Variants in KPNA3 observed in about 807,000 individuals in gnomAD.
The protein encoded by KPNA3 is importin subunit alpha-4.
KPNA3 carries 13 observed loss-of-function variants against 73.8 expected under a neutral mutation model. The ratio of observed to expected loss-of-function variants is 0.18; its 90% CI spans 0.11 to 0.28. KPNA3 has a LOEUF of 0.28. KPNA3 is among the 10% of genes least tolerant of loss of function. The probability of loss-of-function intolerance (pLI) is 1.00; values close to 1 mark genes in which losing one functional copy is unlikely to be tolerated. For synonymous variants in KPNA3, 186 were observed against 206.9 expected (o/e 0.90, Z 0.87); for missense variants, 360 against 618.1 (o/e 0.58, Z 4.43).
intron 2 of KPNA3, among the ~76,000 whole-genome samples, chr13:49,735,350 G>C (rs1954512479): frequency 1.3e-5 from 2 of 152,078 alleles, no homozygotes; most frequent in Non-Finnish European, 2.9e-5. Flanking sequence ...TCGAACTCCT[G>C]ACCTCAGGTG....
intron 6 of KPNA3, among the ~76,000 whole-genome samples, chr13:49,727,594 GAGA>G (rs1273050278): frequency 2.6e-5 from 4 of 152,074 alleles, no homozygotes; most frequent in Admixed American, 1.3e-4. Flanking sequence ...TGAAGTAGCA[GAGA>G]AGAACTATGA....
chr13:49,763,334 A>C (rs1284146292), intron 1 of KPNA3, among the ~76,000 whole-genome samples: 1 of 152,234 alleles, frequency 6.6e-6, no homozygotes, highest in Non-Finnish European at 1.5e-5. Context: ...GTGAACTTTA[A>C]GACAGGTCAG....
chr13:49,772,877 G>A (rs1279515709), intron 1 of KPNA3, among the ~76,000 whole-genome samples: 1 of 152,152 alleles, frequency 6.6e-6, no homozygotes, highest in Non-Finnish European at 1.5e-5. Flanking sequence ...ATACAACAGA[G>A]AAACACATAG....
chr13:49,777,669 T>C (rs934872666), intron 1 of KPNA3, among the ~76,000 whole-genome samples: 1 of 143,680 alleles, frequency 7.0e-6, no homozygotes, highest in Non-Finnish European at 1.5e-5. Flanking sequence ...CCCAGATGAT[T>C]TTTTTTTTTT....
At chr13:49,713,860 C>T (rs1954282822) in intron 10 of KPNA3, among the ~76,000 whole-genome samples, 1 of 152,256 alleles carries the variant, frequency 6.6e-6, no homozygotes, top group African/African-American at 2.4e-5. Context: ...CGTGCCATCA[C>T]AGTCAGCTAA....
At chr13:49,704,486 A>T (rs536827437) in intron 15 of KPNA3, among the ~76,000 whole-genome samples, 1 of 149,382 alleles carries the variant, frequency 6.7e-6, no homozygotes, top group African/African-American at 2.5e-5. Context: ...AATAAATAGA[A>T]AGAAAGAAAT....
intron 12 of KPNA3, among the ~76,000 whole-genome samples, chr13:49,709,293 C>T (rs986231457): frequency 1.2e-4 from 18 of 150,416 alleles, no homozygotes; most frequent in African/African-American, 3.4e-4. Flanking sequence ...CCCAGCTTCT[C>T]GGGAGGCTGA....
At chr13:49,741,216 T>C (rs1179399215) in intron 2 of KPNA3, among the ~76,000 whole-genome samples, 3 of 152,176 alleles carry the variant, frequency 2.0e-5, no homozygotes, top group African/African-American at 7.2e-5. Flanking sequence ...CCCATACTGC[T>C]TTCTATAATG....
chr13:49,726,779 C>CA (rs1954413765), intron 6 of KPNA3, among the ~76,000 whole-genome samples: 2 of 150,256 alleles, frequency 1.3e-5, no homozygotes, highest in South Asian at 4.2e-4. Context: ...CCCATTTTTA[C>CA]AAAAAATAAA....
chr13:49,744,543 A>C (rs9596190), intron 2 of KPNA3, among the ~76,000 whole-genome samples: 13,857 of 152,212 alleles, frequency 0.091, 682 homozygotes, highest in South Asian at 0.12. Flanking sequence ...CTTCCTTGTT[A>C]ATTTCCTAAT....
chr13:49,784,484 T>C (rs149420229), intron 1 of KPNA3, among the ~76,000 whole-genome samples: 12 of 152,288 alleles, frequency 7.9e-5, no homozygotes, highest in Non-Finnish European at 1.5e-4. Context: ...TTTTAAATGG[T>C]TGGGAGACAA....
intron 6 of KPNA3, among the ~76,000 whole-genome samples, chr13:49,726,148 T>C (rs1445890089): frequency 6.6e-6 from 1 of 152,176 alleles, no homozygotes; most frequent in Non-Finnish European, 1.5e-5. Context: ...TAATATCAAG[T>C]GCTAGTTGAG....
Position 49,706,288 on chromosome 13 carries a change from T to C in KPNA3, c.1117A>G (p.Ile373Val), listed in dbSNP as rs750609683. Residue 373 changes from isoleucine to valine, a missense_variant, in exon 13 of 17, where the codon ATA becomes GTA. Ile to Val is a conservative substitution (Grantham distance 29, BLOSUM62 3). This residue lies in a region of KPNA3 where 287 missense variants were observed against 549.1 expected (regional missense o/e 0.52). Coordinates refer to ENST00000261667, the MANE Select transcript of KPNA3 (RefSeq NM_002267.4). ...CCAACCTTAGCAAGCTGATGAATTA[T>C]CATAGGAATTAATCCAGCATCTATT... ...AVIDAGLIPM[I>V]IHQLAKGDFG... 2.5e-6 allele frequency: 4 copies of C among 1,613,950 alleles called. No individual in the cohort carries two copies. In the South Asian group the frequency reaches 4.4e-5, roughly 18 times the overall value.
At chr13:49,789,789 C>A (rs1184062856) in intron 1 of KPNA3, among the ~76,000 whole-genome samples, 1 of 152,182 alleles carries the variant, frequency 6.6e-6, no homozygotes, top group Non-Finnish European at 1.5e-5. Flanking sequence ...CAGGACTCTT[C>A]AATTACTGCT....
intron 2 of KPNA3, among the ~76,000 whole-genome samples, chr13:49,742,514 C>T (rs900310542): frequency 6.6e-6 from 1 of 151,964 alleles, no homozygotes; most frequent in Admixed American, 6.6e-5. Context: ...ATTATTATGG[C>T]TTTGCAGTAG....
intron 12 of KPNA3, among the ~76,000 whole-genome samples, chr13:49,707,998 C>CT (rs67141719): frequency 1.8e-3 from 224 of 121,726 alleles, no homozygotes; most frequent in African/African-American, 5.5e-3. Context: ...TTCTTTTTTC[C>CT]TTTTTTTTTT....
At chr13:49,733,782 GA>G (rs1300992694) in intron 2 of KPNA3, among the ~76,000 whole-genome samples, 1 of 152,146 alleles carries the variant, frequency 6.6e-6, no homozygotes, top group South Asian at 2.1e-4. Flanking sequence ...CTTTTTTCCT[GA>G]AATCACCTTG....
At chr13:49,719,543 G>A (rs1183015495) in intron 10 of KPNA3, among the ~76,000 whole-genome samples, 1 of 152,114 alleles carries the variant, frequency 6.6e-6, no homozygotes, top group Non-Finnish European at 1.5e-5. Context: ...AATAATGACA[G>A]AAATAAACTA....
At chr13:49,758,318 T>C (rs1411721241) in intron 1 of KPNA3, among the ~76,000 whole-genome samples, 2 of 151,952 alleles carry the variant, frequency 1.3e-5, no homozygotes, top group African/African-American at 4.8e-5. Context: ...AGAAAAGCAA[T>C]CCCTAAAAAT....
Sources: gnomAD v4.1 joint callset for allele counts (sites outside exome capture counted in the v4.1 genomes callset) on GRCh38, gnomAD v4.1.1 for gene constraint, gnomAD v4.1.1 regional missense constraint, MANE v1.5 for transcripts, NCBI Gene and HGNC (gene_info 2026-07-23, HGNC 2026-07-21) for gene names.